The following CUL2 variants were observed in gnomAD, a reference collection of about 807,000 sequenced individuals.
The protein encoded by CUL2 is cullin-2.
CUL2 carries 22 observed loss-of-function variants against 110.2 expected under a neutral mutation model. The observed-to-expected ratio is 0.20, with a 90% CI of 0.14 to 0.28. The LOEUF (loss-of-function observed/expected upper bound fraction) is 0.28, where lower values mean the gene tolerates loss of function less well. CUL2 is among the 10% of genes least tolerant of loss of function. CUL2 has a pLI of 1.00. For synonymous variants in CUL2, 279 were observed against 293.2 expected (o/e 0.95, Z 0.49); for missense variants, 631 against 905.5 (o/e 0.70, Z 3.89).
intron 8 of CUL2, among the ~76,000 whole-genome samples, chr10:35,042,944 A>C (rs1190564884): frequency 6.6e-6 from 1 of 151,946 alleles, no homozygotes; most frequent in Non-Finnish European, 1.5e-5. Flanking sequence ...GGGATTAGCC[A>C]CTATCTCAAG....
At chr10:35,033,100 T>G in intron 11 of CUL2, 66 bp downstream of exon 11, 6 of 936,498 alleles carry the variant, frequency 6.4e-6, no homozygotes, top group Non-Finnish European at 9.3e-6. Context: ...AATTCTGATC[T>G]TGAAACTGCC....
At position 35,012,618 on chromosome 10, in the gene CUL2, G is replaced by C. The variant is rs11591248; in HGVS notation, c.1990-654C>G. On this transcript the variant is annotated intron_variant, in intron 19 of 20. Coordinates refer to ENST00000374749, the MANE Select transcript of CUL2 (RefSeq NM_003591.4). ...GCCACATTAAGAGGATCTCCTCACAGCGTTTCAAAGACAAAATACAATCTA... is the reference window on the plus strand; with the variant it reads ...GCCACATTAAGAGGATCTCCTCACACCGTTTCAAAGACAAAATACAATCTA... 1.5e-3 allele frequency among the ~76,000 whole-genome samples: 230 copies of C among 152,278 alleles called. 1 individual carries two copies. The highest frequency in any genetic ancestry group is 3.4e-3 in the Middle Eastern group (1 of 294).
intron 18 of CUL2, among the ~76,000 whole-genome samples, chr10:35,014,240 T>C (rs532663610): frequency 6.6e-6 from 1 of 152,326 alleles, no homozygotes; most frequent in Non-Finnish European, 1.5e-5. Flanking sequence ...AATGGCCTGA[T>C]GACAAGAGAA....
intron 1 of CUL2, among the ~76,000 whole-genome samples, chr10:35,077,609 C>T (rs189229982): frequency 3.3e-5 from 5 of 151,888 alleles, no homozygotes; most frequent in South Asian, 2.1e-4. Flanking sequence ...CCTGAGGTCA[C>T]GAGTTCAAGA....
At chr10:35,065,873 C>A (rs1215787917) in intron 2 of CUL2, among the ~76,000 whole-genome samples, 1 of 151,936 alleles carries the variant, frequency 6.6e-6, no homozygotes, top group Non-Finnish European at 1.5e-5. Flanking sequence ...AGAAAAAAAA[C>A]ACAAAATAAC....
At chr10:35,068,393 C>CA (rs919302575) in intron 2 of CUL2, among the ~76,000 whole-genome samples, 31 of 150,694 alleles carry the variant, frequency 2.1e-4, no homozygotes, top group Admixed American at 1.6e-3. Context: ...CTATGCCTAA[C>CA]AAAAAAAAGA....
At chr10:35,112,519 T>C (rs1227132439) in intron 1 of CUL2, among the ~76,000 whole-genome samples, 1 of 152,122 alleles carries the variant, frequency 6.6e-6, no homozygotes, top group Non-Finnish European at 1.5e-5. Flanking sequence ...CCACTAGAAT[T>C]TTCAGGACAG....
intron 1 of CUL2, among the ~76,000 whole-genome samples, chr10:35,111,696 T>A (rs543595975): frequency 2.0e-5 from 3 of 152,268 alleles, no homozygotes; most frequent in African/African-American, 7.2e-5. Context: ...CAGACCAGCC[T>A]GGCCAACATG....
Position 35,071,258 on chromosome 10 carries a change from T to C in CUL2, c.60A>G (p.Thr20=), listed in dbSNP as rs2086670253. Reference sequence around the variant, plus strand: ...ATTCCAACATGACCACGGCTTTTATTGTCGTCAAAAGTTTGTTCCATGTTT... The same window carrying C: ...ATTCCAACATGACCACGGCTTTTATCGTCGTCAAAAGTTTGTTCCATGTTT... ...FDETWNKLLT[T]IKAVVMLEYV... is the part of the protein sequence containing the mutation. Residue 20 remains threonine (T), a synonymous_variant, in exon 2 of 21, where the codon ACA becomes ACG. Coordinates refer to ENST00000374749, the MANE Select transcript of CUL2 (RefSeq NM_003591.4). 3.1e-6 allele frequency: 5 copies of C among 1,614,046 alleles called. No homozygotes were observed. Among genetic ancestry groups the C allele is most frequent in the African/African-American group, 1.3e-5 (1 of 74,944 alleles).
At chr10:35,088,085 G>C (rs890599568) in intron 1 of CUL2, among the ~76,000 whole-genome samples, 6 of 152,184 alleles carry the variant, frequency 3.9e-5, no homozygotes, top group African/African-American at 1.4e-4. Flanking sequence ...TACAGTATCT[G>C]AAGTAATCTC....
In CUL2 at chr10:35,113,016, A is replaced by C. The variant is rs577155521; in HGVS notation, c.-50-11956T>G. On this transcript the variant is annotated intron_variant, in intron 1 of 5. Coordinates refer to the CUL2 transcript ENST00000685421. ...AGACCATCCTGGCCAACATGATGAA[A>C]CCCAGTCTCTACTAAAAATACAAAA... Among the ~76,000 whole-genome samples, 40 of 151,556 alleles carry C rather than the reference A, an allele frequency of 2.6e-4. 1 individual carries two copies. The East Asian group carries it at 7.4e-3, about 28-fold the overall frequency.
At chr10:35,096,551 T>G (rs2087303016) in intron 2 of CUL2, among the ~76,000 whole-genome samples, 1 of 152,180 alleles carries the variant, frequency 6.6e-6, no homozygotes, top group Admixed American at 6.6e-5. Flanking sequence ...AGGTCATGTT[T>G]GCAGTGAGCT....
At chr10:35,021,831 CGAGGTGAGGTGAGGTGAGGT>C (rs773566667) in intron 17 of CUL2, among the ~76,000 whole-genome samples, 2 of 66,330 alleles carry the variant, frequency 3.0e-5, no homozygotes, top group East Asian at 5.2e-4. Context: ...TGAGGTGAGG[CGAGGTGAGGTGAGGTGAGGT>C]GAGGTGAGGT....
At chr10:35,065,195 T>C (rs2086485930) in intron 2 of CUL2, among the ~76,000 whole-genome samples, 1 of 152,162 alleles carries the variant, frequency 6.6e-6, no homozygotes. Flanking sequence ...AATGAGATTT[T>C]CAACCTCCAA....
chr10:35,101,611 G>C (rs1690693351), intron 1 of CUL2, among the ~76,000 whole-genome samples: 1 of 152,160 alleles, frequency 6.6e-6, no homozygotes, highest in Non-Finnish European at 1.5e-5. Flanking sequence ...AGTTACAAGT[G>C]GGATGCTAGG....
chr10:35,113,749 C>T (rs1283252207), intron 1 of CUL2, among the ~76,000 whole-genome samples: 1 of 151,298 alleles, frequency 6.6e-6, no homozygotes, highest in African/African-American at 2.4e-5. Context: ...CTCTGTCACC[C>T]AGGCTGGAAT....
exon 1 of CUL2, chr10:35,126,614 C>G (rs951845730): frequency 4.6e-5 from 7 of 152,336 alleles, no homozygotes; most frequent in African/African-American, 1.7e-4. Context: ...CCTCGAGACC[C>G]TGAAGACCTG....
chr10:35,029,056 T>C (rs915468919), intron 15 of CUL2, among the ~76,000 whole-genome samples, 169 bp from the exon 16 acceptor site: 1 of 131,954 alleles, frequency 7.6e-6, no homozygotes, highest in South Asian at 2.5e-4. Context: ...CAATAGGACC[T>C]TTTTTTGTTT....
intron 17 of CUL2, among the ~76,000 whole-genome samples, chr10:35,017,601 T>A (rs968910921): frequency 6.7e-6 from 1 of 150,332 alleles, no homozygotes; most frequent in Non-Finnish European, 1.5e-5. Flanking sequence ...GGCTAAGGTA[T>A]AAGAATCCTT....
Sources: allele counts gnomAD v4.1 joint callset (sites outside exome capture counted in the v4.1 genomes callset), GRCh38; gene constraint gnomAD v4.1.1; transcripts MANE v1.5; gene names NCBI Gene and HGNC (gene_info 2026-07-23, HGNC 2026-07-21).